RBFOX1: variants seen among roughly 807,000 people sequenced by gnomAD.
RBFOX1 encodes RNA binding fox-1 homolog 1.
Under a neutral mutation model 57.7 loss-of-function variants are expected in RBFOX1, and 8 were observed. That is an observed-to-expected ratio of 0.14 (90% CI 0.08 to 0.25). The LOEUF is 0.25. RBFOX1 is among the 10% of genes least tolerant of loss of function. RBFOX1 has a pLI of 1.00. For missense variants in RBFOX1, 611 were observed against 548.5 expected (o/e 1.11, Z -1.14); for synonymous variants, 326 against 222.4 (o/e 1.47, Z -4.15).
chr16:6,903,257 C>T (rs1279280036), intron 3 of RBFOX1, among the ~76,000 whole-genome samples: 1 of 152,116 alleles, frequency 6.6e-6, no homozygotes, highest in Non-Finnish European at 1.5e-5. Flanking sequence ...TTGTAGCTGC[C>T]GCCAGGGGAG....
intron 3 of RBFOX1, among the ~76,000 whole-genome samples, chr16:6,716,779 G>T (rs889331821): frequency 2.0e-5 from 3 of 151,788 alleles, no homozygotes; most frequent in African/African-American, 7.3e-5. Context: ...TTTTTTCCCT[G>T]GGGTTGTGAA....
At chr16:7,271,779 G>A (rs2095323896) in intron 4 of RBFOX1, among the ~76,000 whole-genome samples, 1 of 151,938 alleles carries the variant, frequency 6.6e-6, no homozygotes, top group Non-Finnish European at 1.5e-5. Context: ...CATAGCTAAG[G>A]GTCTCTTAGG....
chr16:6,553,454 G>A (rs1183270231), intron 2 of RBFOX1, among the ~76,000 whole-genome samples: 1 of 152,152 alleles, frequency 6.6e-6, no homozygotes, highest in South Asian at 2.1e-4. Flanking sequence ...TAATTGGCAA[G>A]GGAAACATGG....
At chr16:7,238,310 C>A (rs1479676319) in intron 4 of RBFOX1, among the ~76,000 whole-genome samples, 2 of 148,038 alleles carry the variant, frequency 1.4e-5, no homozygotes, top group East Asian at 3.9e-4. Context: ...CACTACTCAA[C>A]TGCAGACTTA....
chr16:6,632,282 G>C (rs2098394370), intron 2 of RBFOX1, among the ~76,000 whole-genome samples: 1 of 151,784 alleles, frequency 6.6e-6, no homozygotes, highest in Admixed American at 6.6e-5. Flanking sequence ...AAACAACAAG[G>C]TCAAAACATC....
chr16:6,313,588 T>C (rs564854306), intron 1 of RBFOX1, among the ~76,000 whole-genome samples: 2 of 152,270 alleles, frequency 1.3e-5, no homozygotes, highest in African/African-American at 2.4e-5. Flanking sequence ...TGTGCATCCA[T>C]TTGGATGGAG....
At chr16:7,005,479 G>A (rs146434266) in intron 3 of RBFOX1, among the ~76,000 whole-genome samples, 22 of 152,324 alleles carry the variant, frequency 1.4e-4, no homozygotes, top group African/African-American at 4.8e-4. Flanking sequence ...GGAATGGGGA[G>A]AAGGAACCCA....
rs56678526 is a variant in RBFOX1, at chr16:6,866,541, A to ATTTTTTTTTTTTTTTT, written c.-15-185513_-15-185498dup. Among the ~76,000 whole-genome samples, 125 of 78,870 alleles carry ATTTTTTTTTTTTTTTT rather than the reference A, an allele frequency of 1.6e-3. 18 individuals carry two copies. Among genetic ancestry groups the ATTTTTTTTTTTTTTTT allele is most frequent in the East Asian group, 2.4e-3 (5 of 2,104 alleles). The allele number at this position is 78,870 out of a possible 152,430, so 51.7% of individuals were successfully genotyped here. A position where few individuals can be genotyped will look rare whatever the true frequency, so the allele number is the denominator to read the frequency against. ...TAAGGTTAGGGCTTTCTTTCCTTCT[A>ATTTTTTTTTTTTTTTT]TTTTTTTTTTTTTTTTTTGAGTTGG... is the stretch of plus-strand genomic sequence containing the variant. On this transcript the variant is annotated intron_variant, in intron 3 of 15. Coordinates refer to ENST00000550418, the MANE Select transcript of RBFOX1 (RefSeq NM_018723.4).
At chr16:6,556,606 A>G (rs1320697106) in intron 2 of RBFOX1, among the ~76,000 whole-genome samples, 1 of 152,200 alleles carries the variant, frequency 6.6e-6, no homozygotes, top group Admixed American at 6.5e-5. Flanking sequence ...ATTTTAGATT[A>G]ATATATAGCC....
chr16:7,695,572 A>T (rs1224233201), intron 14 of RBFOX1, among the ~76,000 whole-genome samples: 1 of 150,496 alleles, frequency 6.6e-6, no homozygotes, highest in African/African-American at 2.4e-5. Flanking sequence ...GAATTGCTTG[A>T]ACTGGGGAGG....
chr16:7,255,188 G>C (rs541988073), intron 4 of RBFOX1, among the ~76,000 whole-genome samples: 23 of 152,302 alleles, frequency 1.5e-4, no homozygotes, highest in African/African-American at 5.5e-4. Flanking sequence ...CAATGAGGCT[G>C]AGGGTAGAGA....
chr16:6,487,748 TATATATAA>T (rs1361587090), intron 2 of RBFOX1, among the ~76,000 whole-genome samples: 5 of 73,594 alleles, frequency 6.8e-5, no homozygotes, highest in Admixed American at 2.8e-4. Flanking sequence ...TATATATATA[TATATATAA>T]AATATTATGC....
intron 4 of RBFOX1, among the ~76,000 whole-genome samples, chr16:5,901,265 G>T (rs986073398): frequency 2.0e-5 from 3 of 152,128 alleles, no homozygotes; most frequent in Non-Finnish European, 4.4e-5. Flanking sequence ...TTTTAGGCAG[G>T]TCCTAATCGT....
intron 4 of RBFOX1, among the ~76,000 whole-genome samples, chr16:7,261,356 C>G (rs1457041306): frequency 6.6e-6 from 1 of 152,202 alleles, no homozygotes; most frequent in Admixed American, 6.5e-5. Flanking sequence ...CTACTACTGT[C>G]ATGATGTCCA....
intron 2 of RBFOX1, among the ~76,000 whole-genome samples, chr16:6,336,828 T>C (rs764986122): frequency 1.6e-4 from 24 of 152,136 alleles, no homozygotes; most frequent in Admixed American, 6.5e-5. Flanking sequence ...AGAAAATCCT[T>C]TAACACCTGA....
At chr16:7,132,335 C>G (rs1197519564) in intron 4 of RBFOX1, among the ~76,000 whole-genome samples, 2 of 151,864 alleles carry the variant, frequency 1.3e-5, no homozygotes, top group Non-Finnish European at 2.9e-5. Flanking sequence ...TTTAATTGAA[C>G]TCCTATGTTC....
intron 2 of RBFOX1, among the ~76,000 whole-genome samples, chr16:6,571,543 C>A (rs192309924): frequency 1.3e-5 from 2 of 151,936 alleles, no homozygotes; most frequent in East Asian, 3.9e-4. Context: ...CTGGGGTAGT[C>A]GGGGAGAGAG....
At chr16:5,449,932 C>G (rs986000119) in intron 1 of RBFOX1, among the ~76,000 whole-genome samples, 1 of 152,158 alleles carries the variant, frequency 6.6e-6, no homozygotes, top group Admixed American at 6.5e-5. Flanking sequence ...TACATATCCC[C>G]TTCTAATTTA....
In RBFOX1 at chr16:6,483,218, C is replaced by T. The variant is rs191306738; in HGVS notation, c.-64+166161C>T. ...AGAGGCCGAGGCCGGCCGGGGAAGCCGGACCCGGGCCCTGGCGCCGCCGTG... is the reference window on the plus strand; with the variant it reads ...AGAGGCCGAGGCCGGCCGGGGAAGCTGGACCCGGGCCCTGGCGCCGCCGTG... On this transcript the variant is annotated intron_variant, in intron 2 of 15. Coordinates refer to ENST00000550418, the MANE Select transcript of RBFOX1 (RefSeq NM_018723.4). 2.5e-5 allele frequency: 30 copies of T among 1,215,924 alleles called. No homozygotes were observed. The African/African-American group carries it at 4.2e-4, about 17-fold the overall frequency. 75.3% of individuals were successfully genotyped at this position (1,215,924 alleles called of 1,614,324 possible).
Sources: gnomAD v4.1 joint callset for allele counts (sites outside exome capture counted in the v4.1 genomes callset) on GRCh38, gnomAD v4.1.1 for gene constraint, MANE v1.5 for transcripts, NCBI Gene and HGNC (gene_info 2026-07-23, HGNC 2026-07-21) for gene names.